Variants in OSBP2 observed in about 807,000 individuals in gnomAD.
OSBP2 encodes the protein oxysterol binding protein 2, also known as oxysterol-binding protein 2.
In OSBP2, 66 loss-of-function variants were observed where a neutral mutation model predicts 96.0. The ratio of observed to expected loss-of-function variants is 0.69; its 90% confidence interval spans 0.56 to 0.84. OSBP2 has a LOEUF of 0.84. Among genes scored for constraint, OSBP2 ranks in the 40% least tolerant of loss-of-function variants. OSBP2 has a pLI of 0.00. For synonymous variants in OSBP2, 525 were observed against 520.9 expected, an observed-to-expected ratio of 1.01 and a Z score of -0.11; for missense variants, 1,038 against 1,222.7, an observed-to-expected ratio of 0.85 and a Z score of 2.25.
intron 2 of OSBP2, among the ~76,000 whole-genome samples, chr22:30,781,653 T>A (rs2090520919): frequency 1.3e-5 from 2 of 151,982 alleles, no homozygotes; most frequent in Admixed American, 6.6e-5. Context: ...ATCTGCCCAG[T>A]AGGGGAAGGT....
At chr22:30,837,994 A>C (rs970468113) in intron 2 of OSBP2, among the ~76,000 whole-genome samples, 4 of 152,182 alleles carry the variant, frequency 2.6e-5, no homozygotes, top group African/African-American at 9.7e-5. Flanking sequence ...TTTTATGTAC[A>C]TTGTCAAATT....
In OSBP2 at chr22:30,893,105, T is replaced by C. The variant is rs76230164; in HGVS notation, c.1870-17T>C. 1.2e-6 allele frequency: 2 copies of C among 1,613,316 alleles called. No individual in the cohort carries two copies. The highest frequency in any genetic ancestry group is 1.3e-5 in the African/African-American group (1 of 75,030). ...TCATGTCTGGCAGATGCTCACATCC[T>C]ATGGGTCTGGTCTCAGGTGAGCCAC... On this transcript the variant is annotated splice_polypyrimidine_tract_variant and intron_variant, in intron 8 of 13. Coordinates refer to ENST00000332585, the MANE Select transcript of OSBP2 (RefSeq NM_030758.4).
intron 1 of OSBP2, among the ~76,000 whole-genome samples, chr22:30,730,802 ATATATAAT>A (rs1356799417): frequency 8.1e-5 from 4 of 49,356 alleles, no homozygotes; most frequent in Admixed American, 6.0e-4. Flanking sequence ...ATATATATAT[ATATATAAT>A]TTTTTTTTTT....
At chr22:30,841,090 G>A (rs565062163) in intron 2 of OSBP2, among the ~76,000 whole-genome samples, 128 of 152,120 alleles carry the variant, frequency 8.4e-4, no homozygotes, top group Middle Eastern at 6.8e-3. Flanking sequence ...ACTTGAACCC[G>A]GGAGGCGGAG....
intron 2 of OSBP2, among the ~76,000 whole-genome samples, chr22:30,840,533 G>A (rs2038731012): frequency 6.6e-6 from 1 of 152,114 alleles, no homozygotes. Context: ...ATCTCAGTTA[G>A]CCACTTGAGT....
Position 30,844,298 on chromosome 22 carries a change from G to A in OSBP2, c.854-26131G>A, listed in dbSNP as rs148050921. 4.3e-3 allele frequency among the ~76,000 whole-genome samples: 655 copies of A among 152,280 alleles called. 12 individuals carry two copies. The South Asian group carries it at 0.057, about 13-fold the overall frequency. ...GCCAACCTGTCCTTTGAAGTCAGGC[G>A]TTGACTTCTCCTCTGTAGCTATGAA... On this transcript the variant is annotated intron_variant, in intron 2 of 13. Transcript: ENST00000332585.
intron 1 of OSBP2, among the ~76,000 whole-genome samples, chr22:30,698,069 CTT>C (rs2089082793): frequency 6.6e-6 from 1 of 152,198 alleles, no homozygotes; most frequent in African/African-American, 2.4e-5. Context: ...AACAGGCCAT[CTT>C]GCCAGCTGGG....
At chr22:30,701,089 A>G (rs1219919131) in intron 1 of OSBP2, among the ~76,000 whole-genome samples, 2 of 150,504 alleles carry the variant, frequency 1.3e-5, no homozygotes, top group African/African-American at 2.4e-5. Flanking sequence ...GAGTGCAACT[A>G]CGTCTCAAAA....
intron 2 of OSBP2, among the ~76,000 whole-genome samples, chr22:30,833,546 G>A (rs1450271656): frequency 6.6e-6 from 1 of 152,146 alleles, no homozygotes; most frequent in Non-Finnish European, 1.5e-5. Flanking sequence ...GATTTTGTAG[G>A]TGTGGCAGCT....
rs2039888085 is a variant in OSBP2 at position 30,889,239 on chromosome 22, G to A, written c.1476+5G>A. 6.2e-7 allele frequency: 1 copy of A among 1,612,738 alleles called. No individual in the cohort carries two copies. Among genetic ancestry groups the A allele is most frequent in the South Asian group, 1.1e-5 (1 of 91,014 alleles). On this transcript the variant is annotated splice_donor_5th_base_variant and intron_variant, in intron 6 of 13. Coordinates refer to ENST00000332585, the MANE Select transcript of OSBP2 (RefSeq NM_030758.4). ...GACTGGAGCTCAGCAGACAATGTAA[G>A]TGAGGGGGAGCACTGTAAGGGCCAG...
chr22:30,856,218 T>C (rs1223684357), intron 2 of OSBP2, among the ~76,000 whole-genome samples: 1 of 152,034 alleles, frequency 6.6e-6, no homozygotes, highest in African/African-American at 2.4e-5. Context: ...CCTTCACCCC[T>C]CCATCTCTCC....
intron 1 of OSBP2, among the ~76,000 whole-genome samples, chr22:30,696,725 C>G (rs1330982947): frequency 1.3e-5 from 2 of 151,968 alleles, no homozygotes; most frequent in East Asian, 3.9e-4. Context: ...GCAATCTTGG[C>G]TCACTGCAAC....
rs2090395496 is a variant in OSBP2, at chr22:30,774,096, A to C, written c.853+32727A>C. 2.0e-5 allele frequency among the ~76,000 whole-genome samples: 3 copies of C among 152,248 alleles called. No individual in the cohort carries two copies. The South Asian group carries it at 6.2e-4, about 32-fold the overall frequency. On this transcript the variant is annotated intron_variant, in intron 2 of 13. Coordinates refer to ENST00000332585, the MANE Select transcript of OSBP2 (RefSeq NM_030758.4). The stretch of plus-strand genomic sequence containing the variant: ...GGTGGTCAGGACAGTCCTGACCACC[A>C]ATGAGAGGTGGCTCATAAGAGAGAG...
intron 2 of OSBP2, among the ~76,000 whole-genome samples, chr22:30,826,662 C>T (rs1304641990): frequency 6.6e-6 from 1 of 152,188 alleles, no homozygotes; most frequent in Non-Finnish European, 1.5e-5. Flanking sequence ...ATGCCACCCT[C>T]TCCCCTCCAG....
chr22:30,764,200 G>C, intron 2 of OSBP2: 1 of 980,090 alleles, frequency 1.0e-6, no homozygotes. Context: ...ACTCTATTCT[G>C]ATATCACAGC....
chr22:30,899,785 C>T (rs2040156532), intron 12 of OSBP2, among the ~76,000 whole-genome samples: 1 of 151,956 alleles, frequency 6.6e-6, no homozygotes, highest in South Asian at 2.1e-4. Flanking sequence ...AGATAGCATC[C>T]TATAATCAGG....
chr22:30,814,434 GTTTT>G (rs11453458), intron 2 of OSBP2, among the ~76,000 whole-genome samples: 1 of 140,548 alleles, frequency 7.1e-6, no homozygotes, highest in Non-Finnish European at 1.5e-5. Flanking sequence ...ATCTCGTTGG[GTTTT>G]TTTTTTTTTT....
intron 2 of OSBP2, among the ~76,000 whole-genome samples, chr22:30,857,253 A>AG (rs1214295468): frequency 1.3e-5 from 2 of 152,144 alleles, no homozygotes; most frequent in African/African-American, 4.8e-5. Context: ...ATGGGCCTGG[A>AG]GGGCTAGTGC....
intron 1 of OSBP2, among the ~76,000 whole-genome samples, chr22:30,732,068 C>T (rs1042925998): frequency 2.0e-5 from 3 of 152,144 alleles, no homozygotes; most frequent in Non-Finnish European, 4.4e-5. Context: ...CTTTGGGAGG[C>T]CAAGGTGGAA....
Sources: allele counts gnomAD v4.1 joint callset (sites outside exome capture counted in the v4.1 genomes callset), GRCh38; gene constraint gnomAD v4.1.1; transcripts MANE v1.5; gene names NCBI Gene and HGNC (gene_info 2026-07-23, HGNC 2026-07-21).